Variants in FBN2 observed in about 807,000 individuals in gnomAD.
FBN2 encodes fibrillin 2, also known as fibrillin-2.
A neutral mutation model predicts 355.6 loss-of-function variants in FBN2; 105 were observed. The observed-to-expected ratio is 0.30, with a 90% CI of 0.25 to 0.35. The LOEUF (loss-of-function observed/expected upper bound fraction) is 0.35. Ranked by LOEUF, FBN2 falls within the 10% of genes least tolerant of loss-of-function variation. The probability of loss-of-function intolerance (pLI) is 1.00; values close to 1 mark genes in which losing one functional copy is unlikely to be tolerated. For synonymous variants in FBN2, 1,350 were observed against 1,301.2 expected (o/e 1.04, Z -0.81); for missense variants, 3,280 against 3,758.7 (o/e 0.87, Z 3.33).
At chr5:128,261,510 G>T (rs1353256772) in intron 64 of FBN2, among the ~76,000 whole-genome samples, 1 of 152,132 alleles carries the variant, frequency 6.6e-6, no homozygotes, top group Non-Finnish European at 1.5e-5. Context: ...AAGAGAAAAT[G>T]CTCTGAAACT....
rs1461414384 is a variant in FBN2 at position 128,408,811 on chromosome 5, A to C, written c.953-12T>G. 6.2e-7 allele frequency: 1 copy of C among 1,613,848 alleles called. No homozygotes were observed. Among genetic ancestry groups the C allele is most frequent in the South Asian group, 1.1e-5 (1 of 91,084 alleles). On this transcript the variant is annotated splice_polypyrimidine_tract_variant and intron_variant, in intron 7 of 64. Transcript: ENST00000262464. Reference sequence around the variant, plus strand: ...GCACTCATCAATGTCTAATCAAGGGAAGAAGGAGAAGATGATTGAGAAAGG... The same window carrying C: ...GCACTCATCAATGTCTAATCAAGGGCAGAAGGAGAAGATGATTGAGAAAGG...
At chr5:128,397,534 CTCT>C (rs1265019341) in intron 8 of FBN2, among the ~76,000 whole-genome samples, 1 of 152,166 alleles carries the variant, frequency 6.6e-6, no homozygotes, top group African/African-American at 2.4e-5. Context: ...CCGTATTTAA[CTCT>C]TCTTCTGTAC....
chr5:128,395,701 A>T (rs1445229316), intron 8 of FBN2, among the ~76,000 whole-genome samples: 3 of 152,250 alleles, frequency 2.0e-5, no homozygotes, highest in Non-Finnish European at 4.4e-5. Context: ...GGCATGAGCC[A>T]TGGAAGTATC....
intron 48 of FBN2, among the ~76,000 whole-genome samples, chr5:128,291,917 G>A (rs1186879997): frequency 6.6e-6 from 1 of 151,952 alleles, no homozygotes; most frequent in African/African-American, 2.4e-5. Context: ...CTGCCTACCT[G>A]ACATGAACAA....
chr5:128,419,736 G>A (rs750700335), intron 7 of FBN2, among the ~76,000 whole-genome samples: 8 of 151,962 alleles, frequency 5.3e-5, no homozygotes, highest in Non-Finnish European at 8.8e-5. Flanking sequence ...CTTGTTGCCC[G>A]GGCTGGAGTG....
chr5:128,430,002 G>A (rs1046317488), intron 7 of FBN2, among the ~76,000 whole-genome samples: 2 of 152,102 alleles, frequency 1.3e-5, no homozygotes, highest in Non-Finnish European at 2.9e-5. Context: ...AGCAACCTCT[G>A]AGACTTTTTT....
chr5:128,323,334 C>T (rs1750441643), intron 34 of FBN2, among the ~76,000 whole-genome samples: 1 of 152,114 alleles, frequency 6.6e-6, no homozygotes, highest in Admixed American at 6.5e-5. Context: ...TTGTCTTGTG[C>T]CAGTTTTCAA....
At chr5:128,417,774 C>G (rs193120687) in intron 7 of FBN2, among the ~76,000 whole-genome samples, 3 of 152,022 alleles carry the variant, frequency 2.0e-5, no homozygotes, top group Non-Finnish European at 2.9e-5. Flanking sequence ...GGGATTTTTA[C>G]GTCTATATTC....
rs370804151 is a variant in FBN2 at position 128,286,744 on chromosome 5, C to A, written c.6986G>T (p.Arg2329Leu). ...FMCICPPGMA[R>L]RPDGEGCVDE... The stretch of plus-strand genomic sequence containing the variant: ...TACACAGCCTTCTCCATCGGGCCTT[C>A]GGGCCATTCCAGGAGGGCAGATGCA... The change falls in exon 55 of 65, where the codon CGA becomes CTA. Residue 2329 changes from arginine to leucine, a missense_variant. Physicochemically the swap from Arg to Leu is moderately radical, Grantham distance 102. This residue lies in a region of FBN2 where 2,284 missense variants were observed against 2,749.5 expected (regional missense o/e 0.83). Coordinates refer to ENST00000262464, the MANE Select transcript of FBN2 (RefSeq NM_001999.4). The A allele has an allele frequency of 4.3e-6, 7 of 1,614,022 alleles. No homozygotes were observed. The highest frequency in any genetic ancestry group is 5.9e-6 in the Non-Finnish European group (7 of 1,179,992).
intron 4 of FBN2, among the ~76,000 whole-genome samples, chr5:128,521,008 T>C (rs900799481): frequency 6.6e-6 from 1 of 152,124 alleles, no homozygotes; most frequent in African/African-American, 2.4e-5. Flanking sequence ...TATGAGAGCA[T>C]TCTGTGCAGT....
Position 128,378,812 on chromosome 5 carries a change from T to A in FBN2, c.1682A>T (p.His561Leu). The change falls in exon 12 of 65, where the codon CAT (histidine) becomes CTT (leucine). Residue 561 changes from histidine (H) to leucine (L), a missense_variant. Physicochemically the swap from His to Leu is moderately conservative, Grantham distance 99. Around this residue, in one of 6 missense-constraint regions of FBN2, gnomAD observed 2,284 missense variants for 2,749.5 expected, o/e 0.83. Transcript: ENST00000262464. Reference protein sequence around the residue: ...NTPGSYYCKCHAGFQRTPTKQ... With the variant: ...NTPGSYYCKCLAGFQRTPTKQ... ...GGTAGGAGTCCTCTGGAATCCAGCA[T>A]GACATTTACAATAATAGGAACCAGG... 2 of 1,613,120 alleles carry A rather than the reference T, an allele frequency of 1.2e-6. No individual in the cohort carries two copies. Among genetic ancestry groups the A allele is most frequent in the Non-Finnish European group, 8.5e-7 (1 of 1,179,276 alleles).
Position 128,317,690 on chromosome 5 carries a change from C to T in FBN2, c.4717+459G>A, listed in dbSNP as rs77538755. 6.1e-3 allele frequency among the ~76,000 whole-genome samples: 928 copies of T among 152,276 alleles called. 7 individuals are homozygous for T. The highest frequency in any genetic ancestry group is 1.0e-2 in the Non-Finnish European group (679 of 68,024). On this transcript the variant is annotated intron_variant, in intron 36 of 64. Coordinates refer to ENST00000262464, the MANE Select transcript of FBN2 (RefSeq NM_001999.4). ...TCTGAACCTTCATTACGGCCTCCTC[C>T]TCCTCCCTGTCACCTTCCAACTTCT...
chr5:128,456,003 A>ACAAAAAAAAAAAAAC lies in FBN2; in HGVS notation c.826+8720_826+8721insGTTTTTTTTTTTTTG, dbSNP rs1754379544. 6.3e-5 allele frequency among the ~76,000 whole-genome samples: 9 copies of ACAAAAAAAAAAAAAC among 141,764 alleles called. No individual in the cohort carries two copies. In the South Asian group the frequency reaches 1.9e-3, roughly 30 times the overall value. The allele number at this position is 141,764 out of a possible 152,430, so 93.0% of individuals were successfully genotyped here. A position where few individuals can be genotyped will look rare whatever the true frequency, so the allele number is the denominator to read the frequency against. ...GAGGGTTAGCAACAAAAAAAAAAAA[A>ACAAAAAAAAAAAAAC]AAAAAAAAAAAAAAAAAAAAGCAAC... On this transcript the variant is annotated intron_variant, in intron 6 of 64. Transcript: ENST00000262464.
chr5:128,315,786 G>A (rs1311639663), intron 36 of FBN2, among the ~76,000 whole-genome samples: 2 of 152,124 alleles, frequency 1.3e-5, no homozygotes, highest in Non-Finnish European at 2.9e-5. Context: ...CAAATATTGC[G>A]GGTTGAAGTT....
intron 10 of FBN2, 30 bp downstream of exon 10, chr5:128,393,105 A>G: frequency 6.6e-7 from 1 of 1,525,930 alleles, no homozygotes; most frequent in Admixed American, 1.7e-5. Flanking sequence ...GCAGGAAACT[A>G]AAGAGTCCAC....
At chr5:128,473,783 C>T (rs534404080) in intron 5 of FBN2, among the ~76,000 whole-genome samples, 8 of 152,126 alleles carry the variant, frequency 5.3e-5, no homozygotes, top group Non-Finnish European at 8.8e-5. Flanking sequence ...TCCATCTAGC[C>T]GTGTTACACC....
intron 11 of FBN2, among the ~76,000 whole-genome samples, chr5:128,382,632 A>G (rs994762714): frequency 6.6e-6 from 1 of 152,002 alleles, no homozygotes; most frequent in Non-Finnish European, 1.5e-5. Context: ...TTTCCTCCCA[A>G]TCTGCACCTT....
intron 5 of FBN2, among the ~76,000 whole-genome samples, chr5:128,485,873 T>C (rs952800575): frequency 1.3e-5 from 2 of 152,190 alleles, no homozygotes; most frequent in African/African-American, 4.8e-5. Flanking sequence ...GCCTTTATTA[T>C]ATTCCAGACT....
chr5:128,349,192 C>T (rs1277885538), intron 23 of FBN2, among the ~76,000 whole-genome samples, 155 bp downstream of exon 23: 1 of 152,184 alleles, frequency 6.6e-6, no homozygotes, highest in Non-Finnish European at 1.5e-5. Flanking sequence ...AATACATTCA[C>T]TTTTAAAACA....
Sources: gnomAD v4.1 joint callset for allele counts (sites outside exome capture counted in the v4.1 genomes callset) on GRCh38, gnomAD v4.1.1 for gene constraint, gnomAD v4.1.1 regional missense constraint, MANE v1.5 for transcripts, NCBI Gene and HGNC (gene_info 2026-07-23, HGNC 2026-07-21) for gene names.